FKBP5: variants seen among roughly 807,000 people sequenced by gnomAD.
The protein encoded by FKBP5 is FKBP prolyl isomerase 5.
In FKBP5, 23 loss-of-function variants were observed where a neutral mutation model predicts 50.5. The ratio of observed to expected loss-of-function variants is 0.46; its 90% CI spans 0.33 to 0.65. The LOEUF (loss-of-function observed/expected upper bound fraction) is 0.65. FKBP5 is among the 30% of genes least tolerant of loss of function. The pLI is 0.02. For missense variants in FKBP5, 411 were observed against 553.1 expected (o/e 0.74, Z 2.58); for synonymous variants, 176 against 190.6 (o/e 0.92, Z 0.63).
chr6:35,603,588 G>A (rs1022688006), intron 5 of FKBP5, among the ~76,000 whole-genome samples: 1 of 151,086 alleles, frequency 6.6e-6, no homozygotes, highest in African/African-American at 2.4e-5. Context: ...TATTGATATG[G>A]AAACTTTGTT....
intron 5 of FKBP5, among the ~76,000 whole-genome samples, chr6:35,616,012 T>C (rs1763641508): frequency 2.0e-5 from 3 of 152,150 alleles, no homozygotes. Context: ...CGGTCAGTTG[T>C]ATTCAAAATA....
chr6:35,586,061 T>C, intron 8 of FKBP5: 1 of 985,214 alleles, frequency 1.0e-6, no homozygotes, highest in Non-Finnish European at 1.2e-6. Flanking sequence ...AATTTCTGTA[T>C]TGCAGTGGCA....
intron 1 of FKBP5, among the ~76,000 whole-genome samples, chr6:35,666,239 AT>A (rs1765211892): frequency 6.6e-6 from 1 of 151,888 alleles, no homozygotes. Flanking sequence ...AAGAGTACAA[AT>A]TTGTTGAATA....
intron 3 of FKBP5, among the ~76,000 whole-genome samples, chr6:35,624,686 C>T (rs1763943662): frequency 6.6e-6 from 1 of 152,114 alleles, no homozygotes; most frequent in South Asian, 2.1e-4. Context: ...ACATCAATCA[C>T]CCCACATCCT....
intron 3 of FKBP5, among the ~76,000 whole-genome samples, chr6:35,635,799 T>C (rs1764294848): frequency 6.6e-6 from 1 of 152,260 alleles, no homozygotes; most frequent in Non-Finnish European, 1.5e-5. Context: ...CAGATTCTCC[T>C]ATTTCTGCAT....
rs6923648 is a variant in FKBP5, at chr6:35,681,128, C to G, written c.-20+7676G>C. ...GAGGTATTTCATGTTTTTTAGATAA[C>G]AAGATCATCCTCATTTTCAACACTT... On this transcript the variant is annotated intron_variant, in intron 1 of 10. Transcript: ENST00000357266. Among the ~76,000 whole-genome samples, 1,076 of 152,260 alleles carry G rather than the reference C, an allele frequency of 7.1e-3. 12 individuals are homozygous for G. Among genetic ancestry groups the G allele is most frequent in the African/African-American group, 0.022 (929 of 41,552 alleles).
intron 1 of FKBP5, among the ~76,000 whole-genome samples, chr6:35,656,993 C>A (rs532496714): frequency 6.6e-6 from 1 of 151,290 alleles, no homozygotes; most frequent in Non-Finnish European, 1.5e-5. Context: ...GGGTGGATCA[C>A]AAGGTCAGGA....
chr6:35,590,519 G>A (rs1392385530), intron 7 of FKBP5, among the ~76,000 whole-genome samples: 1 of 152,038 alleles, frequency 6.6e-6, no homozygotes, highest in African/African-American at 2.4e-5. Flanking sequence ...ATGGAAATAT[G>A]TTCAAGGAGG....
At chr6:35,711,682 G>A (rs1766416535) in intron 2 of FKBP5, among the ~76,000 whole-genome samples, 1 of 152,042 alleles carries the variant, frequency 6.6e-6, no homozygotes, top group Non-Finnish European at 1.5e-5. Flanking sequence ...AAACAGGGAA[G>A]CTTTTAGAGT....
chr6:35,610,252 T>C (rs1763448284), intron 5 of FKBP5, among the ~76,000 whole-genome samples: 1 of 152,148 alleles, frequency 6.6e-6, no homozygotes, highest in African/African-American at 2.4e-5. Flanking sequence ...TACACTTTTT[T>C]CCCCTTTAAA....
chr6:35,724,991 C>T (rs557709053), intron 1 of FKBP5, among the ~76,000 whole-genome samples: 55 of 152,112 alleles, frequency 3.6e-4, no homozygotes, highest in Non-Finnish European at 3.7e-4. Flanking sequence ...GGGTTCCAAA[C>T]GCTGTTGGGG....
intron 5 of FKBP5, among the ~76,000 whole-genome samples, chr6:35,610,591 A>AAAAAAG (rs71002577): frequency 1.4e-5 from 2 of 148,080 alleles, no homozygotes; most frequent in Admixed American, 6.7e-5. Flanking sequence ...AAAAAAAAAA[A>AAAAAAG]GTTTCAAAAA....
At chr6:35,650,260 C>T (rs1052270760) in intron 1 of FKBP5, among the ~76,000 whole-genome samples, 6 of 144,738 alleles carry the variant, frequency 4.1e-5, no homozygotes, top group Admixed American at 2.8e-4. Flanking sequence ...ATGGTTGCAC[C>T]ACTGCACTGC....
At chr6:35,605,330 C>T (rs1446165438) in intron 5 of FKBP5, among the ~76,000 whole-genome samples, 2 of 145,608 alleles carry the variant, frequency 1.4e-5, no homozygotes, top group Admixed American at 1.4e-4. Context: ...CCTCAATAAA[C>T]TAAGCATCAA....
chr6:35,584,969 G>A (rs554135742), intron 8 of FKBP5: 2 of 985,334 alleles, frequency 2.0e-6, no homozygotes, highest in South Asian at 9.4e-5. Context: ...ACTAATTCTG[G>A]CCATCTCTCT....
At chr6:35,588,875 G>A (rs1762701930) in intron 7 of FKBP5, among the ~76,000 whole-genome samples, 1 of 150,730 alleles carries the variant, frequency 6.6e-6, no homozygotes, top group Admixed American at 6.6e-5. Flanking sequence ...TGAGTAGCTG[G>A]AAATATAGGA....
intron 5 of FKBP5, among the ~76,000 whole-genome samples, chr6:35,605,941 G>A (rs192151761): frequency 9.2e-5 from 14 of 152,322 alleles, no homozygotes; most frequent in Admixed American, 7.8e-4. Context: ...AGGCTTAAAT[G>A]TAAGGCCTGA....
At chr6:35,580,687 C>T (rs535491709) in intron 8 of FKBP5, 6 of 203,138 alleles carry the variant, frequency 3.0e-5, no homozygotes, top group Non-Finnish European at 4.3e-5. Flanking sequence ...CTACAGGTGG[C>T]CGCCACCAAG....
At chr6:35,627,485 G>C (rs1037261899) in intron 3 of FKBP5, among the ~76,000 whole-genome samples, 1 of 152,058 alleles carries the variant, frequency 6.6e-6, no homozygotes, top group African/African-American at 2.4e-5. Flanking sequence ...TTTTTGTTGA[G>C]TTATAGGAGT....
Sources: gnomAD v4.1 joint callset for allele counts (sites outside exome capture counted in the v4.1 genomes callset) on GRCh38, gnomAD v4.1.1 for gene constraint, MANE v1.5 for transcripts, NCBI Gene and HGNC (gene_info 2026-07-23, HGNC 2026-07-21) for gene names.